The following PPP1R12B variants were observed in gnomAD, a reference collection of about 807,000 sequenced individuals.
PPP1R12B encodes the protein myosin phosphatase target subunit 2.
PPP1R12B carries 76 observed loss-of-function variants against 126.1 expected under a neutral mutation model. That is an observed-to-expected ratio of 0.60 (90% confidence interval 0.50 to 0.73). PPP1R12B has a LOEUF of 0.73. Among genes scored for constraint, PPP1R12B ranks in the 30% least tolerant of loss-of-function variants. PPP1R12B has a pLI of 0.00. For missense variants in PPP1R12B, 1,052 were observed against 1,205.1 expected (o/e 0.87, Z 1.88); for synonymous variants, 356 against 434.7 (o/e 0.82, Z 2.25).
In PPP1R12B at chr1:202,584,813, A is replaced by G. The variant is rs1174154929; in HGVS notation, c.*4253A>G. 1 of 152,090 alleles carries G rather than the reference A, an allele frequency of 6.6e-6. No individual in the cohort carries two copies. The highest frequency in any genetic ancestry group is 1.5e-5 in the Non-Finnish European group (1 of 68,030). 9.4% of individuals were successfully genotyped at this position (152,090 alleles called of 1,614,324 possible). A position where few individuals can be genotyped will look rare whatever the true frequency, so the allele number is the denominator to read the frequency against. On this transcript the variant is annotated 3_prime_UTR_variant, in exon 24 of 24. Coordinates refer to ENST00000608999, the MANE Select transcript of PPP1R12B (RefSeq NM_002481.4). ...TAAGCAGAAAGAAAAGGGAAATTCT[A>G]CTCTACCAGATGAGCCACTGGTTCC...
intron 1 of PPP1R12B, among the ~76,000 whole-genome samples, chr1:202,353,438 A>G (rs1005498237): frequency 2.7e-4 from 41 of 151,778 alleles, no homozygotes; most frequent in African/African-American, 9.0e-4. Context: ...TACCTCTTCA[A>G]ATTGCTTAAT....
intron 13 of PPP1R12B, among the ~76,000 whole-genome samples, chr1:202,457,334 G>A (rs559596271): frequency 3.3e-5 from 5 of 152,232 alleles, no homozygotes; most frequent in African/African-American, 1.2e-4. Context: ...TGGACTGCTT[G>A]AGGTCTGGAG....
intron 1 of PPP1R12B, among the ~76,000 whole-genome samples, chr1:202,363,533 AT>A (rs1658596616): frequency 1.3e-5 from 2 of 152,132 alleles, no homozygotes; most frequent in Admixed American, 1.3e-4. Flanking sequence ...TCTCCTGGGA[AT>A]TTCTAGTTCC....
At chr1:202,472,116 A>G in intron 13 of PPP1R12B, 1 of 1,503,956 alleles carries the variant, frequency 6.6e-7, no homozygotes, top group Non-Finnish European at 9.0e-7. Flanking sequence ...TGTGAGAGGC[A>G]TGTTCTCATG....
At chr1:202,389,250 A>G (rs1306683330) in intron 1 of PPP1R12B, among the ~76,000 whole-genome samples, 1 of 152,246 alleles carries the variant, frequency 6.6e-6, no homozygotes, top group Non-Finnish European at 1.5e-5. Flanking sequence ...ATGACAAAAA[A>G]CATCCTAAAA....
In PPP1R12B at chr1:202,495,558, A is replaced by G. The variant is rs1301766339; in HGVS notation, c.2336-12A>G. On this transcript the variant is annotated splice_polypyrimidine_tract_variant and intron_variant, in intron 16 of 23. Transcript: ENST00000608999. ...ATTCTTAAAGTTCATACTTTATTTT[A>G]TCTCTGGCCAGAGAATGAAGAAGCA... is the stretch of plus-strand genomic sequence containing the variant. 1.9e-6 allele frequency: 3 copies of G among 1,613,330 alleles called. No homozygotes were observed. Among genetic ancestry groups the G allele is most frequent in the Admixed American group, 1.7e-5 (1 of 59,986 alleles).
chr1:202,551,769 T>G (rs1686354233), intron 18 of PPP1R12B, among the ~76,000 whole-genome samples: 2 of 152,134 alleles, frequency 1.3e-5, no homozygotes, highest in Non-Finnish European at 2.9e-5. Flanking sequence ...CAGAGAAATG[T>G]GAAGTGCGAA....
chr1:202,502,930 T>C (rs1177404414), intron 18 of PPP1R12B: 2 of 152,192 alleles, frequency 1.3e-5, no homozygotes, highest in Admixed American at 6.5e-5. Flanking sequence ...TACAGTGGAA[T>C]GTGCAAGCAG....
At chr1:202,540,895 T>C (rs1176175004) in intron 18 of PPP1R12B, among the ~76,000 whole-genome samples, 1 of 152,182 alleles carries the variant, frequency 6.6e-6, no homozygotes, top group African/African-American at 2.4e-5. Context: ...ACCAGCTGTA[T>C]GGAGGTGTTT....
Position 202,583,072 on chromosome 1 carries a change from G to C in PPP1R12B, c.*2512G>C, listed in dbSNP as rs937672779. The C allele has an allele frequency of 3.9e-5, 6 of 152,138 alleles. No homozygotes were observed. Among genetic ancestry groups the C allele is most frequent in the South Asian group, 2.1e-4 (1 of 4,830 alleles). 9.4% of individuals were successfully genotyped at this position (152,138 alleles called of 1,614,324 possible). A position where few individuals can be genotyped will look rare whatever the true frequency, so the allele number is the denominator to read the frequency against. On this transcript the variant is annotated 3_prime_UTR_variant, in exon 24 of 24. Transcript: ENST00000608999. ...GGGAGTACTGTAAGTTCAGTTCTCA[G>C]GGAATGCTAAATTAGAGTAATAAGT... is the stretch of plus-strand genomic sequence containing the variant.
chr1:202,448,691 C>T (rs551604582), intron 12 of PPP1R12B: 3 of 340,000 alleles, frequency 8.8e-6, no homozygotes, highest in Middle Eastern at 9.2e-4. Flanking sequence ...AACACTCTTG[C>T]ATATGTCACT....
At chr1:202,435,869 A>T (rs1670742364) in intron 9 of PPP1R12B, among the ~76,000 whole-genome samples, 1 of 152,242 alleles carries the variant, frequency 6.6e-6, no homozygotes, top group African/African-American at 2.4e-5. Context: ...GGCTTTGAAT[A>T]AATGTAATTC....
At chr1:202,412,236 C>T (rs1667486672) in intron 1 of PPP1R12B, among the ~76,000 whole-genome samples, 1 of 152,008 alleles carries the variant, frequency 6.6e-6, no homozygotes, top group Non-Finnish European at 1.5e-5. Context: ...GCTTTTTGAG[C>T]CCAAGAGTTA....
At chr1:202,550,818 C>G (rs1210866582) in intron 18 of PPP1R12B, among the ~76,000 whole-genome samples, 6 of 152,180 alleles carry the variant, frequency 3.9e-5, no homozygotes. Flanking sequence ...TTATGAATCA[C>G]AAGAGTTTAT....
intron 1 of PPP1R12B, among the ~76,000 whole-genome samples, chr1:202,389,276 A>G (rs1032779133): frequency 1.3e-5 from 2 of 152,234 alleles, no homozygotes; most frequent in African/African-American, 4.8e-5. Flanking sequence ...TGAAAAACAA[A>G]TGACAGACCA....
In PPP1R12B at chr1:202,438,030, G is replaced by C. The variant is rs756292772; in HGVS notation, c.1458+6G>C. On this transcript the variant is annotated splice_donor_region_variant and intron_variant, in intron 10 of 23. Coordinates refer to ENST00000608999, the MANE Select transcript of PPP1R12B (RefSeq NM_002481.4). ...TACTGGACAACAAAGATAAGGTGCA[G>C]TTTGGGAGGGTATGGGGGAATTCCA... The C allele has an allele frequency of 2.8e-5, 45 of 1,613,750 alleles. No individual in the cohort carries two copies. The highest frequency in any genetic ancestry group is 3.8e-5 in the Non-Finnish European group (45 of 1,179,912).
intron 1 of PPP1R12B, among the ~76,000 whole-genome samples, chr1:202,416,488 T>G (rs1355279956): frequency 6.9e-6 from 1 of 144,278 alleles, no homozygotes; most frequent in Non-Finnish European, 1.5e-5. Flanking sequence ...ATCATGCCAT[T>G]GCACTCCAGC....
intron 18 of PPP1R12B, among the ~76,000 whole-genome samples, chr1:202,505,370 C>T (rs1680692455): frequency 6.6e-6 from 1 of 152,188 alleles, no homozygotes; most frequent in Non-Finnish European, 1.5e-5. Context: ...TTTTTTCCCA[C>T]CTTCTTCCTT....
chr1:202,528,689 A>C (rs183710010), intron 18 of PPP1R12B, among the ~76,000 whole-genome samples: 14 of 152,156 alleles, frequency 9.2e-5, no homozygotes. Context: ...GGCTGAAGAA[A>C]CTTTATTTCT....
Sources: allele counts gnomAD v4.1 joint callset (sites outside exome capture counted in the v4.1 genomes callset), GRCh38; gene constraint gnomAD v4.1.1; transcripts MANE v1.5; gene names NCBI Gene and HGNC (gene_info 2026-07-23, HGNC 2026-07-21).